COL21A1: variants seen among roughly 807,000 people sequenced by gnomAD.
The protein encoded by COL21A1 is collagen alpha-1(XXI) chain.
A neutral mutation model predicts 137.9 loss-of-function variants in COL21A1; 149 were observed. That is an observed-to-expected ratio of 1.08 (90% CI 0.95 to 1.24). COL21A1 has a LOEUF of 1.24. Ranked by LOEUF, COL21A1 falls within the 50% of genes most tolerant of loss-of-function variation. COL21A1 has a pLI of 0.00. For missense variants in COL21A1, 1,167 were observed against 1,158.4 expected, an observed-to-expected ratio of 1.01 and a Z score of -0.11; for synonymous variants, 456 against 391.5, an observed-to-expected ratio of 1.16 and a Z score of -1.95.
intron 10 of COL21A1, among the ~76,000 whole-genome samples, chr6:56,146,505 A>G (rs542957862): frequency 5.9e-5 from 9 of 152,266 alleles, no homozygotes; most frequent in African/African-American, 1.9e-4. Context: ...CTGATTGCTT[A>G]GATTACTTCA....
At chr6:56,079,602 T>C (rs1270153331) in intron 17 of COL21A1, among the ~76,000 whole-genome samples, 1 of 151,614 alleles carries the variant, frequency 6.6e-6, no homozygotes, top group Admixed American at 6.6e-5. Context: ...GACACTCTTT[T>C]ATCTGAGACA....
chr6:56,196,897 G>A (rs969319763), intron 1 of COL21A1, among the ~76,000 whole-genome samples: 1 of 151,818 alleles, frequency 6.6e-6, no homozygotes, highest in African/African-American at 2.4e-5. Context: ...AATTTGTATG[G>A]AACCACAAAA....
chr6:56,214,735 CA>C (rs2152308512), intron 1 of COL21A1, among the ~76,000 whole-genome samples: 1 of 151,794 alleles, frequency 6.6e-6, no homozygotes, highest in African/African-American at 2.4e-5. Context: ...AAATAAGAAC[CA>C]AAATGGTTAT....
At chr6:56,092,362 G>T (rs185227778) in intron 17 of COL21A1, among the ~76,000 whole-genome samples, 2 of 152,002 alleles carry the variant, frequency 1.3e-5, no homozygotes, top group South Asian at 4.1e-4. Context: ...CCTTTTTTAC[G>T]CATACATATT....
chr6:56,137,712 A>G (rs1346971820), intron 12 of COL21A1, among the ~76,000 whole-genome samples: 1 of 152,182 alleles, frequency 6.6e-6, no homozygotes, highest in Non-Finnish European at 1.5e-5. Flanking sequence ...AAAAGTTTTA[A>G]GTTTCCTTAT....
intron 10 of COL21A1, among the ~76,000 whole-genome samples, chr6:56,155,770 A>G (rs1775695264): frequency 6.6e-6 from 1 of 151,728 alleles, no homozygotes; most frequent in African/African-American, 2.4e-5. Context: ...TAATTTTTGT[A>G]TTTCTTTTTT....
chr6:56,254,849 C>T (rs529451983), intron 1 of COL21A1, among the ~76,000 whole-genome samples: 10 of 152,212 alleles, frequency 6.6e-5, no homozygotes, highest in Non-Finnish European at 1.5e-4. Context: ...AGAAGACATC[C>T]CACAGTATGC....
intron 1 of COL21A1, among the ~76,000 whole-genome samples, chr6:56,193,031 C>T (rs578023968): frequency 6.6e-6 from 1 of 152,268 alleles, no homozygotes; most frequent in East Asian, 1.9e-4. Flanking sequence ...ATAGATGAAG[C>T]TGGGAATCAC....
At chr6:56,119,840 A>G (rs1478324339) in intron 16 of COL21A1, among the ~76,000 whole-genome samples, 1 of 152,172 alleles carries the variant, frequency 6.6e-6, no homozygotes, top group East Asian at 1.9e-4. Flanking sequence ...GGTGCTAGGA[A>G]CACTGGATGT....
At chr6:56,162,251 G>GTGTGTTCC (rs1286799060) in intron 9 of COL21A1, among the ~76,000 whole-genome samples, 1 of 152,124 alleles carries the variant, frequency 6.6e-6, no homozygotes, top group African/African-American at 2.4e-5. Context: ...AAGAGTGTGT[G>GTGTGTTCC]TGTGTTCCTG....
At chr6:56,328,582 A>G (rs1765152812) in intron 1 of COL21A1, among the ~76,000 whole-genome samples, 1 of 152,172 alleles carries the variant, frequency 6.6e-6, no homozygotes, top group African/African-American at 2.4e-5. Flanking sequence ...CTCAAAGTCC[A>G]GGAAAGACCT....
intron 27 of COL21A1, 177 bp from the exon 28 acceptor site, chr6:56,060,395 C>T (rs547039885): frequency 8.8e-5 from 52 of 593,946 alleles, no homozygotes; most frequent in South Asian, 8.3e-4. Context: ...TTGCTCTGTG[C>T]GGTAATTTTA....
intron 1 of COL21A1, among the ~76,000 whole-genome samples, chr6:56,218,541 T>C (rs1261482953): frequency 1.3e-5 from 2 of 152,140 alleles, no homozygotes; most frequent in Admixed American, 6.6e-5. Context: ...CCATTTGATA[T>C]TGGAATACAT....
At chr6:56,091,856 A>G (rs1768849365) in intron 17 of COL21A1, among the ~76,000 whole-genome samples, 1 of 152,196 alleles carries the variant, frequency 6.6e-6, no homozygotes, top group East Asian at 1.9e-4. Flanking sequence ...GTTGAAAATG[A>G]GTATTTTCTG....
At chr6:56,325,964 TA>T in intron 1 of COL21A1, among the ~76,000 whole-genome samples, 2 of 720 alleles carry the variant, frequency 2.8e-3, no homozygotes, top group African/African-American at 6.1e-3. Flanking sequence ...ATATATATAA[TA>T]TATATTATAT....
intron 1 of COL21A1, among the ~76,000 whole-genome samples, chr6:56,354,010 G>A (rs1765776509): frequency 6.6e-6 from 1 of 152,114 alleles, no homozygotes; most frequent in Non-Finnish European, 1.5e-5. Flanking sequence ...AAAGATTTTT[G>A]AAAGTAGGGA....
In COL21A1 at chr6:56,215,332, C is replaced by A. The variant is rs569938847; in HGVS notation, c.-39+32055G>T. 2.0e-4 allele frequency among the ~76,000 whole-genome samples: 31 copies of A among 152,122 alleles called. No homozygotes were observed. The South Asian group carries it at 6.2e-3, about 31-fold the overall frequency. On this transcript the variant is annotated intron_variant, in intron 1 of 29. Transcript: ENST00000244728. ...GCTTTTCAAAGACTGATGTAGGAAACCTTATCCTGCAGCTGTGTTCTCTTT... is the reference window on the plus strand; with the variant it reads ...GCTTTTCAAAGACTGATGTAGGAAAACTTATCCTGCAGCTGTGTTCTCTTT...
intron 16 of COL21A1, among the ~76,000 whole-genome samples, chr6:56,120,519 G>A (rs971738446): frequency 3.9e-5 from 6 of 152,182 alleles, no homozygotes; most frequent in Non-Finnish European, 7.3e-5. Flanking sequence ...AAATGGGTTA[G>A]GCGCAGTGGC....
chr6:56,258,259 A>G (rs1258034417), intron 1 of COL21A1, among the ~76,000 whole-genome samples: 1 of 152,130 alleles, frequency 6.6e-6, no homozygotes, highest in Non-Finnish European at 1.5e-5. Flanking sequence ...TTTCAGGAGT[A>G]CATACTTCTT....
Sources: allele counts gnomAD v4.1 joint callset (sites outside exome capture counted in the v4.1 genomes callset), GRCh38; gene constraint gnomAD v4.1.1; transcripts MANE v1.5; gene names NCBI Gene and HGNC (gene_info 2026-07-23, HGNC 2026-07-21).